SORCS3: variants seen among roughly 807,000 people sequenced by gnomAD.
SORCS3 encodes the protein VPS10 domain-containing receptor SorCS3.
Under a neutral mutation model 146.3 loss-of-function variants are expected in SORCS3, and 57 were observed. That is an observed-to-expected ratio of 0.39 (90% CI 0.31 to 0.49). The LOEUF is 0.49. Among genes scored for constraint, SORCS3 ranks in the 20% least tolerant of loss-of-function variants. SORCS3 has a pLI of 0.92. For synonymous variants in SORCS3, 653 were observed against 618.5 expected (o/e 1.06, Z -0.83); for missense variants, 1,341 against 1,575.5 (o/e 0.85, Z 2.52).
At chr10:104,945,852 C>G (rs1045642132) in intron 3 of SORCS3, among the ~76,000 whole-genome samples, 1 of 151,666 alleles carries the variant, frequency 6.6e-6, no homozygotes, top group African/African-American at 2.4e-5. Flanking sequence ...ACTGGAGAAG[C>G]TGAGATGGCT....
intron 1 of SORCS3, among the ~76,000 whole-genome samples, chr10:104,723,111 C>T (rs2133446789): frequency 6.6e-6 from 1 of 152,262 alleles, no homozygotes; most frequent in Admixed American, 6.5e-5. Context: ...CTCTTGTGGG[C>T]ATTCAGTGCT....
chr10:105,079,606 G>T (rs1403590992), intron 5 of SORCS3, among the ~76,000 whole-genome samples: 3 of 152,050 alleles, frequency 2.0e-5, no homozygotes, highest in Admixed American at 6.6e-5. Flanking sequence ...GGGTACATGT[G>T]CAGGGTTGTT....
At chr10:104,863,736 C>T (rs2018430775) in intron 2 of SORCS3, among the ~76,000 whole-genome samples, 1 of 152,192 alleles carries the variant, frequency 6.6e-6, no homozygotes, top group Non-Finnish European at 1.5e-5. Context: ...TGTTGGTACC[C>T]TGTCTGCTCC....
chr10:104,761,899 T>A (rs2017126038), intron 1 of SORCS3, among the ~76,000 whole-genome samples: 2 of 152,200 alleles, frequency 1.3e-5, no homozygotes, highest in Non-Finnish European at 2.9e-5. Context: ...CTTTTGCCTG[T>A]TAATGATTCT....
chr10:104,916,510 TC>T lies in SORCS3; in HGVS notation c.795+579del, dbSNP rs545478819. On this transcript the variant is annotated intron_variant, in intron 3 of 26. Coordinates refer to ENST00000369701, the MANE Select transcript of SORCS3 (RefSeq NM_014978.3). ...TGGCACCTCTGCTTCTCTGCTTTCC[TC>T]TTGATTTAGCAGCCAGGATGAAATC... is the stretch of plus-strand genomic sequence containing the variant. Among the ~76,000 whole-genome samples, 113 of 152,330 alleles carry T rather than the reference TC, an allele frequency of 7.4e-4. 1 individual carries two copies. The highest frequency in any genetic ancestry group is 2.4e-3 in the African/African-American group (100 of 41,562).
intron 3 of SORCS3, among the ~76,000 whole-genome samples, chr10:104,956,044 G>T (rs1395297551): frequency 6.6e-6 from 1 of 152,138 alleles, no homozygotes; most frequent in Non-Finnish European, 1.5e-5. Context: ...TACGGGTATG[G>T]AGTGTAAAAA....
At chr10:104,684,591 G>T (rs1419438478) in intron 1 of SORCS3, among the ~76,000 whole-genome samples, 1 of 152,064 alleles carries the variant, frequency 6.6e-6, no homozygotes, top group Non-Finnish European at 1.5e-5. Flanking sequence ...CTGCTGCTCA[G>T]CCCTCTTCCA....
chr10:105,065,196 C>T (rs1366150174), intron 5 of SORCS3, among the ~76,000 whole-genome samples: 1 of 152,032 alleles, frequency 6.6e-6, no homozygotes, highest in East Asian at 1.9e-4. Flanking sequence ...TGGTTAATTG[C>T]CTCCTCCTTG....
At chr10:105,182,934 C>T (rs149730298) in intron 14 of SORCS3, among the ~76,000 whole-genome samples, 1,648 of 152,238 alleles carry the variant, frequency 0.011, 31 homozygotes, top group African/African-American at 0.038. Flanking sequence ...AATTCCTGAG[C>T]TCAAGTGATC....
At chr10:104,704,656 G>A (rs1313899344) in intron 1 of SORCS3, among the ~76,000 whole-genome samples, 9 of 152,134 alleles carry the variant, frequency 5.9e-5, no homozygotes, top group Non-Finnish European at 1.3e-4. Flanking sequence ...TTTGTAAAGT[G>A]TAATGGACCA....
At chr10:105,020,028 T>C (rs943761130) in intron 4 of SORCS3, among the ~76,000 whole-genome samples, 1 of 152,176 alleles carries the variant, frequency 6.6e-6, no homozygotes, top group East Asian at 1.9e-4. Context: ...CTACTTACAA[T>C]TGAATTTTAA....
intron 2 of SORCS3, among the ~76,000 whole-genome samples, chr10:104,859,615 A>G (rs2018377366): frequency 6.6e-6 from 1 of 152,222 alleles, no homozygotes; most frequent in Non-Finnish European, 1.5e-5. Context: ...AGAAACTACC[A>G]TCATAGTGAA....
intron 2 of SORCS3, among the ~76,000 whole-genome samples, chr10:104,863,686 G>A (rs2018429987): frequency 6.6e-6 from 1 of 152,130 alleles, no homozygotes; most frequent in African/African-American, 2.4e-5. Flanking sequence ...AGCAGCTGTG[G>A]GTCTTCCAAG....
chr10:104,900,129 A>G (rs960304528), intron 2 of SORCS3, among the ~76,000 whole-genome samples: 5 of 152,152 alleles, frequency 3.3e-5, no homozygotes, highest in Non-Finnish European at 5.9e-5. Context: ...TCCAAATCCC[A>G]GACTTGGGCT....
intron 1 of SORCS3, among the ~76,000 whole-genome samples, chr10:104,798,206 C>G (rs4471353): frequency 0.26 from 40,202 of 152,000 alleles, 5,948 homozygotes; most frequent in East Asian, 0.67. Flanking sequence ...TAAGGTACAG[C>G]TCTGGGGTGC....
rs559870350 is a variant in SORCS3 at position 104,855,979 on chromosome 10, TC to T, written c.695+13122del. On this transcript the variant is annotated intron_variant, in intron 2 of 26. Transcript: ENST00000369701. ...TTGTACTCCTAGGCTCAAGTGATCC[TC>T]CTGCCTTGGCCTCTTAAGAAGTGCT... Among the ~76,000 whole-genome samples the T allele has an allele frequency of 7.8e-4, 119 of 152,238 alleles. 1 individual carries two copies. The highest frequency in any genetic ancestry group is 6.8e-3 in the Middle Eastern group (2 of 294).
chr10:104,870,648 T>G (rs2018509837), intron 2 of SORCS3, among the ~76,000 whole-genome samples: 1 of 152,110 alleles, frequency 6.6e-6, no homozygotes, highest in African/African-American at 2.4e-5. Context: ...GACCTCAGGA[T>G]AACCAGGGGA....
chr10:104,723,484 G>A (rs1264509111), intron 1 of SORCS3, among the ~76,000 whole-genome samples: 1 of 152,174 alleles, frequency 6.6e-6, no homozygotes, highest in Non-Finnish European at 1.5e-5. Flanking sequence ...TGCTGTAGAT[G>A]TCTATTAGGT....
chr10:105,224,837 AT>A, intron 20 of SORCS3, among the ~76,000 whole-genome samples: 2 of 152,284 alleles, frequency 1.3e-5, no homozygotes, highest in Non-Finnish European at 2.9e-5. Flanking sequence ...CAGATGACAT[AT>A]TATTTAGAGA....
Sources: allele counts gnomAD v4.1 joint callset (sites outside exome capture counted in the v4.1 genomes callset), GRCh38; gene constraint gnomAD v4.1.1; transcripts MANE v1.5; gene names NCBI Gene and HGNC (gene_info 2026-07-23, HGNC 2026-07-21).